Variants in TSPO2 observed in about 807,000 individuals in gnomAD.
TSPO2 encodes benzodiazapine receptor (peripheral)-like 1.
A neutral mutation model predicts 13.3 loss-of-function variants in TSPO2; 15 were observed. The ratio of observed to expected loss-of-function variants is 1.13; its 90% CI spans 0.75 to 1.73. The LOEUF is 1.73. TSPO2 is among the 40% of genes most tolerant of loss of function. The pLI is 0.00. For missense variants in TSPO2, 202 were observed against 198.3 expected (o/e 1.02, Z -0.11); for synonymous variants, 81 against 91.6 (o/e 0.88, Z 0.66).
At chr6:41,042,461 T>C (rs890710076), upstream of TSPO2, 5 of 337,928 alleles carry the variant, frequency 1.5e-5, no homozygotes, top group African/African-American at 8.6e-5. Flanking sequence ...GAGATAAGCC[T>C]GGGACAGATG....
At position 41,043,665 on chromosome 6, in the gene TSPO2, G is replaced by T. The variant is rs981134156; in HGVS notation, c.282G>T (p.Leu94=). The T allele has an allele frequency of 8.7e-6, 14 of 1,611,738 alleles. No homozygotes were observed. Among genetic ancestry groups the T allele is most frequent in the Non-Finnish European group, 1.2e-5 (14 of 1,178,700 alleles). Residue 94 remains leucine (L), a synonymous_variant, in exon 3 of 4, where the codon CTG becomes CTT. Transcript: ENST00000373161. ...AGCTCACCATCAGCTGGACTGTCCT[G>T]GTTCTCTTTTTCACAGTCCACAACC... ...AVQLTISWTV[L]VLFFTVHNPG...
rs1762612825 is a variant in TSPO2 at position 41,043,055 on chromosome 6, C to A, written c.70C>A (p.Arg24Ser). 1 of 1,614,124 alleles carries A rather than the reference C, an allele frequency of 6.2e-7. No individual in the cohort carries two copies. The highest frequency in any genetic ancestry group is 2.2e-5 in the East Asian group (1 of 44,862). ...LGPILVWLFT[R>S]DHMSGWCEGP... is the part of the protein sequence containing the mutation. ...GCCCATCCTGGTCTGGCTGTTCACT[C>A]GTGATCACATGTCTGGTTGGTGTGA... is the stretch of plus-strand genomic sequence containing the variant. Residue 24 changes from arginine to serine, a missense_variant, in exon 2 of 4, where the codon CGT becomes AGT. Physicochemically the swap from Arg to Ser is moderately radical, Grantham distance 110. Coordinates refer to ENST00000373161, the MANE Select transcript of TSPO2 (RefSeq NM_001010873.3).
intron 3 of TSPO2, 90 bp from the exon 4 acceptor site, chr6:41,043,850 G>C (rs1049127091): frequency 1.4e-5 from 21 of 1,546,226 alleles, no homozygotes; most frequent in South Asian, 4.6e-5. Flanking sequence ...CAGAGCCCCA[G>C]GGACTGAGCT....
chr6:41,041,421 G>A (rs1762587300), upstream of TSPO2, among the ~76,000 whole-genome samples: 1 of 152,190 alleles, frequency 6.6e-6, no homozygotes, highest in African/African-American at 2.4e-5. Flanking sequence ...GAGGTGTGCT[G>A]CCAGAGGTAA....
upstream of TSPO2, among the ~76,000 whole-genome samples, chr6:41,041,971 G>T (rs1451875634): frequency 6.7e-6 from 1 of 149,450 alleles, no homozygotes; most frequent in African/African-American, 2.5e-5. Context: ...GTGAAACTCT[G>T]TATGAAAAGA....
At chr6:41,043,286 TG>T in intron 2 of TSPO2, 128 bp downstream of exon 2, 1 of 1,200,422 alleles carries the variant, frequency 8.3e-7, no homozygotes, top group Non-Finnish European at 1.2e-6. Context: ...ACCACCATAG[TG>T]GGTCCTCCAG....
At position 41,044,239 on chromosome 6, in the gene TSPO2, G is replaced by C; in HGVS notation, c.*102G>C. 1 of 1,226,594 alleles carries C rather than the reference G, an allele frequency of 8.2e-7. No individual in the cohort carries two copies. Among genetic ancestry groups the C allele is most frequent in the Non-Finnish European group, 1.2e-6 (1 of 859,498 alleles). The allele number at this position is 1,226,594 out of a possible 1,614,324, so 76.0% of individuals were successfully genotyped here. A position where few individuals can be genotyped will look rare whatever the true frequency, so the allele number is the denominator to read the frequency against. ...TCACCCCAATGGGACCACCCTCCTG[G>C]GTCCCCTGGTGCCGTTTTTCCTTAG... On this transcript the variant is annotated 3_prime_UTR_variant, in exon 4 of 4. Transcript: ENST00000373161.
At chr6:41,042,900 G>A in intron 1 of TSPO2, 66 bp from the exon 2 acceptor site, 1 of 1,523,440 alleles carries the variant, frequency 6.6e-7, no homozygotes, top group Non-Finnish European at 9.1e-7. Flanking sequence ...AGTCAGGTTA[G>A]GAGGCAGAGA....
At chr6:41,043,728 T>C (rs369466490) in intron 3 of TSPO2, 30 bp downstream of exon 3, 3 of 1,573,612 alleles carry the variant, frequency 1.9e-6, no homozygotes, top group South Asian at 2.3e-5. Context: ...GTAGCAGAAG[T>C]AATGTGGGAG....
chr6:41,042,257 C>A (rs890126468), upstream of TSPO2, among the ~76,000 whole-genome samples: 2 of 152,144 alleles, frequency 1.3e-5, no homozygotes, highest in African/African-American at 4.8e-5. Flanking sequence ...CCACAAGAAA[C>A]CTGGATGCTT....
chr6:41,041,902 G>A (rs1187044324), upstream of TSPO2, among the ~76,000 whole-genome samples: 1 of 152,024 alleles, frequency 6.6e-6, no homozygotes, highest in Admixed American at 6.5e-5. Context: ...TTGAACTAGG[G>A]AGGCAGAGGT....
intron 3 of TSPO2, 100 bp from the exon 4 acceptor site, chr6:41,043,840 C>T (rs1762632323): frequency 8.6e-6 from 13 of 1,520,384 alleles, no homozygotes; most frequent in South Asian, 1.2e-5. Flanking sequence ...ATGGTGTGCA[C>T]AGAGCCCCAG....
At chr6:41,043,740 G>C (rs1204914360) in intron 3 of TSPO2, 42 bp downstream of exon 3, 3 of 1,569,578 alleles carry the variant, frequency 1.9e-6, no homozygotes, top group Non-Finnish European at 2.6e-6. Flanking sequence ...ATGTGGGAGA[G>C]GGTGAAACCA....
Position 41,042,665 on chromosome 6 carries a change from C to T in TSPO2, c.-134C>T, listed in dbSNP as rs1237786153. Reference sequence around the variant, plus strand: ...ACCTGATCTCCAGGACTCAGAAGCACTTGGAGGAAGGCCTATTCACTTAGA... The same window carrying T: ...ACCTGATCTCCAGGACTCAGAAGCATTTGGAGGAAGGCCTATTCACTTAGA... On this transcript the variant is annotated 5_prime_UTR_variant, in exon 1 of 4. Coordinates refer to ENST00000373161, the MANE Select transcript of TSPO2 (RefSeq NM_001010873.3). The T allele has an allele frequency of 1.3e-5, 7 of 533,318 alleles. No individual in the cohort carries two copies. In the African/African-American group the frequency reaches 1.3e-4, roughly 10 times the overall value. The allele number at this position is 533,318 out of a possible 1,614,324, so 33.0% of individuals were successfully genotyped here. A position where few individuals can be genotyped will look rare whatever the true frequency, so the allele number is the denominator to read the frequency against.
At chr6:41,041,618 T>C (rs1332862474), upstream of TSPO2, among the ~76,000 whole-genome samples, 2 of 150,436 alleles carry the variant, frequency 1.3e-5, no homozygotes, top group African/African-American at 4.9e-5. Context: ...TATGCACAGG[T>C]GGGCATGCTG....
chr6:41,042,142 G>T (rs534963377), upstream of TSPO2, among the ~76,000 whole-genome samples: 13 of 152,324 alleles, frequency 8.5e-5, 1 homozygote, highest in South Asian at 8.3e-4. Context: ...CTTGGCTGGA[G>T]GAGGGTCTGT....
At chr6:41,043,878 C>T (rs900531864) in intron 3 of TSPO2, 62 bp from the exon 4 acceptor site, 1 of 1,574,018 alleles carries the variant, frequency 6.4e-7, no homozygotes. Flanking sequence ...GGGCTGGGTA[C>T]TGCAGAAAGG....
chr6:41,043,874 G>C, intron 3 of TSPO2, 66 bp from the exon 4 acceptor site: 1 of 1,567,766 alleles, frequency 6.4e-7, no homozygotes, highest in Non-Finnish European at 8.7e-7. Context: ...TGCTGGGCTG[G>C]GTACTGCAGA....
At position 41,042,815 on chromosome 6, in the gene TSPO2, G is replaced by A. The variant is rs535414904; in HGVS notation, c.-21+37G>A. On this transcript the variant is annotated intron_variant, in intron 1 of 3. Transcript: ENST00000373161. Reference sequence around the variant, plus strand: ...GGTTGGAGAGAGCTCAGAGGTACAGGACTGGAGCTGGGCCAGGGAGAGAGG... The same window carrying A: ...GGTTGGAGAGAGCTCAGAGGTACAGAACTGGAGCTGGGCCAGGGAGAGAGG... 2.8e-4 allele frequency: 212 copies of A among 760,986 alleles called. 2 individuals carry two copies. The South Asian group carries it at 3.1e-3, about 11-fold the overall frequency. The allele number at this position is 760,986 out of a possible 1,614,324, so 47.1% of individuals were successfully genotyped here.
Sources: gnomAD v4.1 joint callset for allele counts (sites outside exome capture counted in the v4.1 genomes callset) on GRCh38, gnomAD v4.1.1 for gene constraint, MANE v1.5 for transcripts, NCBI Gene and HGNC (gene_info 2026-07-23, HGNC 2026-07-21) for gene names.